Variants in GABRG3 observed in about 807,000 individuals in gnomAD.
GABRG3 encodes gamma-aminobutyric acid receptor subunit gamma-3.
A neutral mutation model predicts 48.8 loss-of-function variants in GABRG3; 25 were observed. That is an observed-to-expected ratio of 0.51 (90% confidence interval 0.37 to 0.72). The LOEUF (loss-of-function observed/expected upper bound fraction) is 0.72. Ranked by LOEUF, GABRG3 falls within the 30% of genes least tolerant of loss-of-function variation. The probability of loss-of-function intolerance (pLI) is 0.00; values close to 1 mark genes in which losing one functional copy is unlikely to be tolerated. For synonymous variants in GABRG3, 227 were observed against 217.6 expected (o/e 1.04, Z -0.38); for missense variants, 394 against 577.9 (o/e 0.68, Z 3.26).
intron 3 of GABRG3, among the ~76,000 whole-genome samples, chr15:27,274,888 C>T (rs749075236): frequency 9.9e-5 from 15 of 152,128 alleles, no homozygotes; most frequent in Non-Finnish European, 1.9e-4. Flanking sequence ...TAAGGCACCA[C>T]CTTATGAGAG....
intron 3 of GABRG3, among the ~76,000 whole-genome samples, chr15:27,145,625 CT>C (rs749783978): frequency 5.6e-4 from 43 of 76,404 alleles, no homozygotes; most frequent in Non-Finnish European, 6.5e-4. Flanking sequence ...ATCTATCTAT[CT>C]ATCTATCTAT....
At chr15:27,106,114 C>T (rs932656855) in intron 3 of GABRG3, among the ~76,000 whole-genome samples, 2 of 151,922 alleles carry the variant, frequency 1.3e-5, no homozygotes, top group African/African-American at 2.4e-5. Flanking sequence ...ACAATAGTTA[C>T]CAGCGGTGGG....
At chr15:27,308,967 A>G (rs986453870) in intron 3 of GABRG3, among the ~76,000 whole-genome samples, 4 of 150,618 alleles carry the variant, frequency 2.7e-5, no homozygotes, top group Non-Finnish European at 5.9e-5. Context: ...ATGAAAACAC[A>G]TAATGTAAAC....
chr15:27,196,747 G>A (rs564207003), intron 3 of GABRG3, among the ~76,000 whole-genome samples: 1 of 152,288 alleles, frequency 6.6e-6, no homozygotes, highest in South Asian at 2.1e-4. Flanking sequence ...TGGGATCTGC[G>A]GTTGTCAGCC....
At chr15:27,302,862 T>C (rs898133814) in intron 3 of GABRG3, among the ~76,000 whole-genome samples, 15 of 151,866 alleles carry the variant, frequency 9.9e-5, no homozygotes, top group Non-Finnish European at 1.3e-4. Context: ...TTAAACAACA[T>C]ACCTTTAAAT....
At chr15:27,459,918 C>T (rs891095756) in intron 5 of GABRG3, among the ~76,000 whole-genome samples, 1 of 151,954 alleles carries the variant, frequency 6.6e-6, no homozygotes. Flanking sequence ...TATTTATAGT[C>T]GCTTGTTTCT....
At chr15:27,431,114 G>T (rs1257856162) in intron 5 of GABRG3, among the ~76,000 whole-genome samples, 1 of 151,850 alleles carries the variant, frequency 6.6e-6, no homozygotes, top group African/African-American at 2.4e-5. Context: ...TATGACAGTA[G>T]CACACTATAT....
chr15:27,430,672 G>C (rs1278325598), intron 5 of GABRG3, among the ~76,000 whole-genome samples: 1 of 152,078 alleles, frequency 6.6e-6, no homozygotes. Flanking sequence ...TGCCCAATTA[G>C]TTGTCTTGGC....
At chr15:27,008,109 A>G (rs1225137100) in intron 2 of GABRG3, among the ~76,000 whole-genome samples, 7 of 152,226 alleles carry the variant, frequency 4.6e-5, no homozygotes, top group Non-Finnish European at 7.3e-5. Context: ...AAGTGTTCCC[A>G]GCATATGGGC....
chr15:27,439,055 G>A (rs1346977757), intron 5 of GABRG3, among the ~76,000 whole-genome samples: 1 of 152,174 alleles, frequency 6.6e-6, no homozygotes, highest in Non-Finnish European at 1.5e-5. Context: ...AACAGGAAAA[G>A]CCACCTTGTT....
chr15:27,174,263 A>C (rs1315568531), intron 3 of GABRG3, among the ~76,000 whole-genome samples: 1 of 152,216 alleles, frequency 6.6e-6, no homozygotes, highest in Non-Finnish European at 1.5e-5. Flanking sequence ...CTTTTGAGAC[A>C]TGTCCTTGAT....
intron 2 of GABRG3, among the ~76,000 whole-genome samples, chr15:26,984,001 G>A (rs548320123): frequency 2.5e-4 from 38 of 152,146 alleles, no homozygotes; most frequent in African/African-American, 8.7e-4. Flanking sequence ...CTGTCTTCGA[G>A]CCTCGTTGTC....
intron 6 of GABRG3, among the ~76,000 whole-genome samples, chr15:27,499,302 G>A (rs1397951512): frequency 2.0e-5 from 3 of 152,074 alleles, no homozygotes; most frequent in African/African-American, 7.2e-5. Context: ...AGGAGTCTCA[G>A]GAAACAAAAC....
At chr15:27,106,978 T>C (rs1032431531) in intron 3 of GABRG3, among the ~76,000 whole-genome samples, 32 of 152,056 alleles carry the variant, frequency 2.1e-4, no homozygotes, top group African/African-American at 7.2e-4. Flanking sequence ...AACAATTCCA[T>C]ACAGTCTCTT....
intron 5 of GABRG3, among the ~76,000 whole-genome samples, chr15:27,403,733 T>A (rs1436808640): frequency 6.7e-6 from 1 of 149,866 alleles, no homozygotes; most frequent in Non-Finnish European, 1.5e-5. Flanking sequence ...GTCAACATGG[T>A]GAAACCCCGT....
At chr15:27,477,054 A>G (rs1470829713) in intron 5 of GABRG3, among the ~76,000 whole-genome samples, 8 of 152,244 alleles carry the variant, frequency 5.3e-5, no homozygotes, top group Admixed American at 4.6e-4. Context: ...ACAAGTAATT[A>G]TATTCCTAGC....
At chr15:27,025,290 A>G (rs1367616749) in intron 2 of GABRG3, among the ~76,000 whole-genome samples, 1 of 152,158 alleles carries the variant, frequency 6.6e-6, no homozygotes, top group Non-Finnish European at 1.5e-5. Context: ...TCTCTCACTA[A>G]ATGTAGGTCC....
chr15:27,529,531 C>A (rs896365979), intron 9 of GABRG3, among the ~76,000 whole-genome samples: 4 of 152,110 alleles, frequency 2.6e-5, no homozygotes, highest in African/African-American at 9.7e-5. Flanking sequence ...ACTTGTTAAT[C>A]GGGACCTCAT....
At chr15:27,370,267 T>A (rs1186476141) in intron 5 of GABRG3, among the ~76,000 whole-genome samples, 1 of 152,210 alleles carries the variant, frequency 6.6e-6, no homozygotes, top group Non-Finnish European at 1.5e-5. Flanking sequence ...GCTAGGCATT[T>A]AGCAGAGTAG....
Sources: allele counts gnomAD v4.1 joint callset (sites outside exome capture counted in the v4.1 genomes callset), GRCh38; gene constraint gnomAD v4.1.1; transcripts MANE v1.5; gene names NCBI Gene and HGNC (gene_info 2026-07-23, HGNC 2026-07-21).